The following DENND5B variants were observed in gnomAD, a reference collection of about 807,000 sequenced individuals.
The protein encoded by DENND5B is DENN domain-containing protein 5B.
DENND5B carries 34 observed loss-of-function variants against 140.6 expected under a neutral mutation model. The observed-to-expected ratio is 0.24, with a 90% CI of 0.18 to 0.32. The LOEUF (loss-of-function observed/expected upper bound fraction) is 0.32. DENND5B is among the 10% of genes least tolerant of loss of function. DENND5B has a pLI of 1.00. For synonymous variants in DENND5B, 551 were observed against 562.1 expected, an observed-to-expected ratio of 0.98 and a Z score of 0.28; for missense variants, 1,142 against 1,560.2, an observed-to-expected ratio of 0.73 and a Z score of 4.52.
rs371791166 is a variant in DENND5B, at chr12:31,398,182, T to C, written c.3249A>G (p.Lys1083=). Residue 1083 remains lysine, a synonymous_variant, in exon 17 of 21, where the codon AAA becomes AAG. Transcript: ENST00000389082. ...AAATTTAAATAAATTTACTGTTGTT[T>C]TTTCCTGTCAGTGAAGTGATGCTCA... ...RRLSITSLTG[K]NNKPNAGQIQ... The C allele has an allele frequency of 2.3e-5, 37 of 1,591,000 alleles. No individual in the cohort carries two copies. The African/African-American group carries it at 4.3e-4, about 19-fold the overall frequency.
chr12:31,489,348 G>A (rs1190693109), intron 2 of DENND5B, among the ~76,000 whole-genome samples: 5 of 139,694 alleles, frequency 3.6e-5, no homozygotes, highest in Non-Finnish European at 7.7e-5. Flanking sequence ...ATTAGATCTT[G>A]GTAACTCAAA....
intron 1 of DENND5B, among the ~76,000 whole-genome samples, chr12:31,577,630 G>A (rs1272806471): frequency 6.7e-6 from 1 of 148,554 alleles, no homozygotes; most frequent in African/African-American, 2.5e-5. Flanking sequence ...AGAACGGCGT[G>A]AACCTGGGAG....
intron 1 of DENND5B, among the ~76,000 whole-genome samples, chr12:31,561,312 T>C (rs1949466413): frequency 6.6e-6 from 1 of 152,160 alleles, no homozygotes; most frequent in Non-Finnish European, 1.5e-5. Flanking sequence ...AAGCATAGCA[T>C]ACACAAATAC....
chr12:31,446,588 G>C (rs1944283504), intron 6 of DENND5B, among the ~76,000 whole-genome samples: 1 of 152,192 alleles, frequency 6.6e-6, no homozygotes, highest in South Asian at 2.1e-4. Flanking sequence ...ATATAGAGAA[G>C]AGGTGAGAAG....
At chr12:31,583,600 C>T (rs1042455893) in intron 1 of DENND5B, among the ~76,000 whole-genome samples, 1 of 152,102 alleles carries the variant, frequency 6.6e-6, no homozygotes, top group Non-Finnish European at 1.5e-5. Flanking sequence ...ATCACTTAAA[C>T]CTGGGAGGCA....
At chr12:31,508,503 G>C (rs951473489) in intron 1 of DENND5B, among the ~76,000 whole-genome samples, 1 of 152,108 alleles carries the variant, frequency 6.6e-6, no homozygotes, top group African/African-American at 2.4e-5. Flanking sequence ...CCTGTTTCAT[G>C]GTCTATGAAA....
chr12:31,465,492 C>G (rs1178062200), intron 3 of DENND5B: 1 of 152,338 alleles, frequency 6.6e-6, no homozygotes, highest in Admixed American at 6.5e-5. Flanking sequence ...CTCAGCCTCC[C>G]CAGCAGCTGG....
chr12:31,483,550 C>T (rs1946161199), intron 2 of DENND5B, among the ~76,000 whole-genome samples: 1 of 151,770 alleles, frequency 6.6e-6, no homozygotes, highest in Non-Finnish European at 1.5e-5. Context: ...AAGCAATTCT[C>T]CTGCCTCAGC....
chr12:31,461,404 T>C (rs1945014379), intron 3 of DENND5B, among the ~76,000 whole-genome samples: 1 of 152,172 alleles, frequency 6.6e-6, no homozygotes, highest in South Asian at 2.1e-4. Context: ...AACTCACTAG[T>C]TTATCAAAAT....
chr12:31,504,176 A>AT (rs1256412172), intron 1 of DENND5B, among the ~76,000 whole-genome samples: 1 of 152,238 alleles, frequency 6.6e-6, no homozygotes, highest in African/African-American at 2.4e-5. Flanking sequence ...AGTCTACTTT[A>AT]TAGGACATAT....
intron 7 of DENND5B, among the ~76,000 whole-genome samples, chr12:31,437,602 T>C (rs1218724283): frequency 6.6e-6 from 1 of 152,318 alleles, no homozygotes; most frequent in Non-Finnish European, 1.5e-5. Context: ...GATGCATCTT[T>C]CAGTCCATAT....
At chr12:31,514,434 A>G (rs1289233660) in intron 1 of DENND5B, among the ~76,000 whole-genome samples, 3 of 152,244 alleles carry the variant, frequency 2.0e-5, no homozygotes, top group Non-Finnish European at 4.4e-5. Context: ...GAAAGAACAC[A>G]GGAATACTAC....
Position 31,414,655 on chromosome 12 carries a change from G to A in DENND5B, c.2552+712C>T, listed in dbSNP as rs566291244. Among the ~76,000 whole-genome samples the A allele has an allele frequency of 5.9e-5, 9 of 152,008 alleles. No homozygotes were observed. In the East Asian group the frequency reaches 7.7e-4, roughly 13 times the overall value. On this transcript the variant is annotated intron_variant, in intron 12 of 20. Transcript: ENST00000389082. ...GGCAATTTAAGACCCCATCTCGGCC[G>A]GGCACAGTGGCTCGCGCCTGTAATC...
intron 1 of DENND5B, among the ~76,000 whole-genome samples, chr12:31,564,906 T>G (rs1949578016): frequency 6.6e-6 from 1 of 152,122 alleles, no homozygotes; most frequent in Non-Finnish European, 1.5e-5. Context: ...ACTGCAATTC[T>G]AAAGATAGCA....
At chr12:31,500,677 CAAAAAAAA>C (rs58877023) in intron 1 of DENND5B, 14 of 90,606 alleles carry the variant, frequency 1.5e-4, no homozygotes, top group South Asian at 4.1e-4. Flanking sequence ...GAGACTGTCA[CAAAAAAAA>C]AAAAAAAAAA....
chr12:31,409,276 C>T lies in DENND5B; in HGVS notation c.2790G>A (p.Val930=), dbSNP rs1486149750. The T allele has an allele frequency of 1.9e-6, 3 of 1,574,596 alleles. No individual in the cohort carries two copies. The highest frequency in any genetic ancestry group is 1.9e-5 in the Admixed American group (1 of 53,548). Reference sequence around the variant, plus strand: ...CTCTAGACTTACTGATAGTGGTGAACACACTGGTGAAGCAGAAATAGTCCA... The same window carrying T: ...CTCTAGACTTACTGATAGTGGTGAATACACTGGTGAAGCAGAAATAGTCCA... ...NAVDYFCFTS[V]FTTIMIPYRS... Residue 930 remains valine, a synonymous_variant, in exon 14 of 21, where the codon GTG becomes GTA. Transcript: ENST00000389082.
chr12:31,529,372 A>T (rs1005665661), intron 1 of DENND5B, among the ~76,000 whole-genome samples: 5 of 152,128 alleles, frequency 3.3e-5, no homozygotes, highest in Non-Finnish European at 7.4e-5. Context: ...ACAGCACTCA[A>T]AGATCTTGGA....
chr12:31,470,757 G>A (rs1945520702), intron 3 of DENND5B, among the ~76,000 whole-genome samples: 1 of 152,146 alleles, frequency 6.6e-6, no homozygotes, highest in Admixed American at 6.5e-5. Context: ...GACAGGTGTT[G>A]GGGAGGAAAG....
At chr12:31,467,143 T>C (rs1945303820) in intron 3 of DENND5B, among the ~76,000 whole-genome samples, 1 of 95,936 alleles carries the variant, frequency 1.0e-5, no homozygotes, top group African/African-American at 4.0e-5. Context: ...CTCAGAGTAC[T>C]AAGGAAAAAA....
Sources: allele counts gnomAD v4.1 joint callset (sites outside exome capture counted in the v4.1 genomes callset), GRCh38; gene constraint gnomAD v4.1.1; transcripts MANE v1.5; gene names NCBI Gene and HGNC (gene_info 2026-07-23, HGNC 2026-07-21).